The following FMO5 variants were observed in gnomAD, a reference collection of about 807,000 sequenced individuals.
FMO5 encodes flavin-containing monooxygenase 5.
A neutral mutation model predicts 43.6 loss-of-function variants in FMO5; 51 were observed. The ratio of observed to expected loss-of-function variants is 1.17; its 90% confidence interval spans 0.93 to 1.48. FMO5 has a LOEUF of 1.48. Ranked by LOEUF, FMO5 falls within the 40% of genes most tolerant of loss-of-function variation. FMO5 has a pLI of 0.00. For missense variants in FMO5, 644 were observed against 643.0 expected, an observed-to-expected ratio of 1.00 and a Z score of -0.02; for synonymous variants, 187 against 216.5, an observed-to-expected ratio of 0.86 and a Z score of 1.20.
At chr1:147,218,265 C>T (rs1043966887) in intron 2 of FMO5, among the ~76,000 whole-genome samples, 5 of 147,392 alleles carry the variant, frequency 3.4e-5, no homozygotes, top group Admixed American at 1.4e-4. Flanking sequence ...GAGATGGAGT[C>T]TCACTCTGTC....
At position 147,213,340 on chromosome 1, in the gene FMO5, G is replaced by A; in HGVS notation, c.455C>T (p.Thr152Ile). ...GCTTTCCAGAGGTAGATGAGCATTG[G>A]TGTGATGGCCAGTGCAAACCATGAC... ...DGVMVCTGHH[T>I]NAHLPLESFP... Residue 152 changes from threonine (T) to isoleucine (I), a missense_variant, in exon 4 of 9, where the codon ACC becomes ATC. By Grantham distance (89) the Thr-to-Ile change is moderately conservative. Coordinates refer to ENST00000254090, the MANE Select transcript of FMO5 (RefSeq NM_001461.4). 6.2e-7 allele frequency: 1 copy of A among 1,612,358 alleles called. No homozygotes were observed. The highest frequency in any genetic ancestry group is 1.3e-5 in the African/African-American group (1 of 74,984).
chr1:147,215,412 C>T (rs1307029692), intron 3 of FMO5: 3 of 195,342 alleles, frequency 1.5e-5, no homozygotes, highest in African/African-American at 2.3e-5. Flanking sequence ...AGTTGTGGAA[C>T]CAGAGAGTTT....
intron 2 of FMO5, among the ~76,000 whole-genome samples, chr1:147,217,108 C>T (rs952872701): frequency 2.0e-5 from 3 of 152,018 alleles, no homozygotes; most frequent in South Asian, 2.1e-4. Flanking sequence ...GGCGTGGTGG[C>T]GCATGCCTGT....
chr1:147,222,904 C>A (rs1191888021), intron 2 of FMO5, among the ~76,000 whole-genome samples: 2 of 152,206 alleles, frequency 1.3e-5, no homozygotes, highest in African/African-American at 4.8e-5. Context: ...ACTGCCAAAA[C>A]TGGCTAAGAT....
At chr1:147,192,667 T>C (rs1461517219) in intron 7 of FMO5, among the ~76,000 whole-genome samples, 1 of 152,190 alleles carries the variant, frequency 6.6e-6, no homozygotes, top group Non-Finnish European at 1.5e-5. Flanking sequence ...GTAGCTCTTA[T>C]TATTTTCAGA....
intron 7 of FMO5, among the ~76,000 whole-genome samples, chr1:147,194,469 A>T (rs1386675442): frequency 6.6e-6 from 1 of 152,122 alleles, no homozygotes; most frequent in African/African-American, 2.4e-5. Context: ...CCAATTTGCC[A>T]GTCTGTGTAT....
At position 147,191,792 on chromosome 1, in the gene FMO5, G is replaced by C. The variant is rs587755779; in HGVS notation, c.1184-1543C>G. 3.9e-3 allele frequency among the ~76,000 whole-genome samples: 597 copies of C among 152,028 alleles called. 15 individuals carry two copies. Among genetic ancestry groups the C allele is most frequent in the Admixed American group, 0.033 (499 of 15,268 alleles). ...AATCCTTTCCCCATTTCTTGTTTTTGTCAGGTTTGTCAAAGATCAGATGGT... is the reference window on the plus strand; with the variant it reads ...AATCCTTTCCCCATTTCTTGTTTTTCTCAGGTTTGTCAAAGATCAGATGGT... On this transcript the variant is annotated intron_variant, in intron 7 of 8. Coordinates refer to ENST00000254090, the MANE Select transcript of FMO5 (RefSeq NM_001461.4).
intron 2 of FMO5, among the ~76,000 whole-genome samples, chr1:147,217,454 T>C (rs2102017387): frequency 6.6e-6 from 1 of 152,292 alleles, no homozygotes; most frequent in East Asian, 1.9e-4. Flanking sequence ...CCCTTTTTAT[T>C]CTAGAAATGA....
At chr1:147,224,532 C>T (rs986058243) in intron 2 of FMO5, among the ~76,000 whole-genome samples, 4 of 151,878 alleles carry the variant, frequency 2.6e-5, no homozygotes, top group African/African-American at 7.3e-5. Flanking sequence ...TTCCTTGAGA[C>T]GGAGTCTTGC....
chr1:147,195,648 C>T (rs72708573), intron 7 of FMO5, among the ~76,000 whole-genome samples: 5,622 of 152,154 alleles, frequency 0.037, 159 homozygotes, highest in South Asian at 0.095. Flanking sequence ...AGTATTTAAG[C>T]CAGTATGAAC....
Position 147,186,937 on chromosome 1 carries a change from G to T in FMO5, c.1565C>A (p.Ala522Asp), listed in dbSNP as rs782101886. ...STMTIGKFML[A>D]LAFFAIIIAY... ...TATAATTATAGCAAAGAAGGCAAGA[G>T]CTAGCATAAACTTGCCTATTGTCAT... The change falls in exon 9 of 9, where the codon GCT becomes GAT. Residue 522 changes from alanine (A) to aspartate (D), a missense_variant. Transcript: ENST00000254090. The T allele has an allele frequency of 1.9e-6, 3 of 1,614,080 alleles. No homozygotes were observed. The South Asian group carries it at 3.3e-5, about 18-fold the overall frequency.
At chr1:147,220,089 C>T (rs1376039496) in intron 2 of FMO5, among the ~76,000 whole-genome samples, 4 of 152,212 alleles carry the variant, frequency 2.6e-5, no homozygotes, top group South Asian at 2.1e-4. Context: ...CCACCCACCT[C>T]GGCCTCCCAA....
At chr1:147,198,850 CAAAAAAA>C (rs151035141) in intron 7 of FMO5, among the ~76,000 whole-genome samples, 6 of 51,780 alleles carry the variant, frequency 1.2e-4, no homozygotes, top group Non-Finnish European at 1.8e-4. Flanking sequence ...GACTGCATCT[CAAAAAAA>C]AAAAAAAAAA....
chr1:147,203,710 A>G, intron 6 of FMO5: 5 of 1,517,418 alleles, frequency 3.3e-6, no homozygotes, highest in Non-Finnish European at 4.6e-6. Flanking sequence ...CTCTGGGTAC[A>G]AGACGTTTAT....
At chr1:147,190,927 T>C (rs1656636719) in intron 7 of FMO5, among the ~76,000 whole-genome samples, 2 of 151,926 alleles carry the variant, frequency 1.3e-5, no homozygotes, top group Admixed American at 1.3e-4. Context: ...AGTGAGAACA[T>C]GCGGTGTTTG....
intron 1 of FMO5, 65 bp from the exon 2 acceptor site, chr1:147,225,131 G>A: frequency 6.3e-7 from 1 of 1,582,320 alleles, no homozygotes; most frequent in South Asian, 1.1e-5. Flanking sequence ...GAAGACCTTG[G>A]CCGTGGCATT....
chr1:147,200,532 T>C (rs1339537057), intron 7 of FMO5, among the ~76,000 whole-genome samples: 3 of 152,138 alleles, frequency 2.0e-5, no homozygotes, highest in Admixed American at 2.0e-4. Flanking sequence ...TTAATGATGC[T>C]AGATTTAATT....
Position 147,204,787 on chromosome 1 carries a change from C to T in FMO5, c.831-3283G>A, listed in dbSNP as rs879948799. The T allele has an allele frequency of 2.0e-5, 31 of 1,585,582 alleles. No homozygotes were observed. In the East Asian group the frequency reaches 6.7e-4, roughly 34 times the overall value. On this transcript the variant is annotated intron_variant, in intron 6 of 8. Transcript: ENST00000254090. ...GATAACCATTTTTTTCATTCCATTT[C>T]GTCCATATGCTGTACGAGTGGTTTG... is the stretch of plus-strand genomic sequence containing the variant.
chr1:147,199,272 T>A (rs1243537505), intron 7 of FMO5, among the ~76,000 whole-genome samples: 1 of 152,008 alleles, frequency 6.6e-6, no homozygotes, highest in African/African-American at 2.4e-5. Context: ...GGGTTTAAAA[T>A]TGGCATAGTG....
Sources: gnomAD v4.1 joint callset for allele counts (sites outside exome capture counted in the v4.1 genomes callset) on GRCh38, gnomAD v4.1.1 for gene constraint, MANE v1.5 for transcripts, NCBI Gene and HGNC (gene_info 2026-07-23, HGNC 2026-07-21) for gene names.